EXOC6: variants seen among roughly 807,000 people sequenced by gnomAD.
EXOC6 encodes SEC15-like 1.
A neutral mutation model predicts 112.5 loss-of-function variants in EXOC6; 60 were observed. The ratio of observed to expected loss-of-function variants is 0.53; its 90% CI spans 0.43 to 0.66. EXOC6 has a LOEUF of 0.66. Ranked by LOEUF, EXOC6 falls within the 30% of genes least tolerant of loss-of-function variation. The pLI is 0.00. For synonymous variants in EXOC6, 295 were observed against 308.0 expected (o/e 0.96, Z 0.44); for missense variants, 855 against 957.1 (o/e 0.89, Z 1.41).
At chr10:92,874,562 G>A (rs1417910990) in intron 1 of EXOC6, among the ~76,000 whole-genome samples, 1 of 152,140 alleles carries the variant, frequency 6.6e-6, no homozygotes, top group Non-Finnish European at 1.5e-5. Flanking sequence ...AGAAATGTGT[G>A]TGTGTGTGTG....
intron 8 of EXOC6, among the ~76,000 whole-genome samples, chr10:92,923,433 G>A (rs1589839796): frequency 1.3e-5 from 2 of 152,156 alleles, no homozygotes; most frequent in South Asian, 2.1e-4. Context: ...TCAGGGAGTC[G>A]CTTAGCTGGC....
chr10:92,986,313 G>A (rs1424181103), intron 18 of EXOC6, among the ~76,000 whole-genome samples: 1 of 152,138 alleles, frequency 6.6e-6, no homozygotes, highest in Admixed American at 6.6e-5. Context: ...AACTATGATG[G>A]TGGGATAATT....
chr10:92,972,390 T>TGAGA (rs768423350), intron 17 of EXOC6, among the ~76,000 whole-genome samples: 1 of 151,714 alleles, frequency 6.6e-6, no homozygotes, highest in East Asian at 1.9e-4. Context: ...CAGGCACACT[T>TGAGA]GAGAGAGAGA....
At chr10:92,896,816 A>T (rs761683345) in intron 4 of EXOC6, among the ~76,000 whole-genome samples, 3 of 152,082 alleles carry the variant, frequency 2.0e-5, no homozygotes, top group Non-Finnish European at 4.4e-5. Flanking sequence ...CCAGCTTCCT[A>T]AAGTGCTGGG....
At chr10:92,847,276 G>A (rs1847084070), upstream of EXOC6, among the ~76,000 whole-genome samples, 1 of 152,210 alleles carries the variant, frequency 6.6e-6, no homozygotes, top group Admixed American at 6.5e-5. Flanking sequence ...GTCATTTACA[G>A]TCATTTAACT....
intron 1 of EXOC6, among the ~76,000 whole-genome samples, chr10:92,890,216 G>A (rs1323996688): frequency 6.6e-6 from 1 of 151,958 alleles, no homozygotes; most frequent in Non-Finnish European, 1.5e-5. Flanking sequence ...ATTTCATTTT[G>A]GAGGATGCTA....
At chr10:93,012,639 A>T (rs1488253282) in intron 19 of EXOC6, among the ~76,000 whole-genome samples, 1 of 152,224 alleles carries the variant, frequency 6.6e-6, no homozygotes, top group Non-Finnish European at 1.5e-5. Flanking sequence ...TATATTTCAC[A>T]CAGAATACAC....
At chr10:93,002,029 A>G (rs1056806327) in intron 19 of EXOC6, among the ~76,000 whole-genome samples, 1 of 152,214 alleles carries the variant, frequency 6.6e-6, no homozygotes, top group Non-Finnish European at 1.5e-5. Flanking sequence ...ACATTGTTTC[A>G]TATTCTATAA....
intron 18 of EXOC6, among the ~76,000 whole-genome samples, chr10:92,975,371 A>G (rs1842484568): frequency 7.0e-6 from 1 of 142,912 alleles, no homozygotes; most frequent in African/African-American, 2.6e-5. Flanking sequence ...TCCGCCCGGC[A>G]GCCGCCCCGT....
upstream of EXOC6, among the ~76,000 whole-genome samples, chr10:92,845,284 G>A (rs1344465274): frequency 2.6e-5 from 4 of 152,192 alleles, no homozygotes; most frequent in Non-Finnish European, 4.4e-5. Flanking sequence ...TGGGCGTGGT[G>A]GCTCATGCCT....
At chr10:92,993,344 A>G (rs909101102) in intron 18 of EXOC6, among the ~76,000 whole-genome samples, 1 of 152,186 alleles carries the variant, frequency 6.6e-6, no homozygotes, top group Non-Finnish European at 1.5e-5. Context: ...GGAATCATTA[A>G]GGATGAGTAG....
intron 1 of EXOC6, among the ~76,000 whole-genome samples, chr10:92,869,000 G>C (rs1396709967): frequency 6.6e-6 from 1 of 151,830 alleles, no homozygotes; most frequent in Admixed American, 6.6e-5. Flanking sequence ...CTTTTGTGCT[G>C]AGGGATTTAT....
intron 17 of EXOC6, among the ~76,000 whole-genome samples, chr10:92,973,312 A>G (rs1431205640): frequency 2.0e-5 from 3 of 152,232 alleles, no homozygotes; most frequent in Admixed American, 2.0e-4. Context: ...AGAGTACTGT[A>G]GAGCTGGAAC....
intron 8 of EXOC6, among the ~76,000 whole-genome samples, chr10:92,923,376 C>T (rs966905800): frequency 2.0e-5 from 3 of 152,208 alleles, no homozygotes; most frequent in Non-Finnish European, 2.9e-5. Context: ...TGCTGTATAA[C>T]ACACTGCCTT....
intron 20 of EXOC6, among the ~76,000 whole-genome samples, chr10:93,024,586 C>G (rs903871060): frequency 6.6e-6 from 1 of 152,108 alleles, no homozygotes; most frequent in African/African-American, 2.4e-5. Context: ...TGCACACCAC[C>G]ACACCTGGCC....
intron 20 of EXOC6, among the ~76,000 whole-genome samples, chr10:93,029,021 C>T (rs1475128842): frequency 6.6e-6 from 1 of 152,004 alleles, no homozygotes; most frequent in Non-Finnish European, 1.5e-5. Flanking sequence ...CAGTAAATTT[C>T]ATTGTTGTCT....
At chr10:93,016,077 AATT>A (rs1372054131) in intron 20 of EXOC6, among the ~76,000 whole-genome samples, 4 of 152,182 alleles carry the variant, frequency 2.6e-5, no homozygotes, top group Non-Finnish European at 5.9e-5. Context: ...GAAATCTTTA[AATT>A]ATCACTGGCT....
rs1438162188 is a variant in EXOC6, at chr10:92,925,649, TTTG to T, written c.889-2684_889-2682del. 3.9e-5 allele frequency among the ~76,000 whole-genome samples: 6 copies of T among 151,914 alleles called. No individual in the cohort carries two copies. In the Middle Eastern group the frequency reaches 0.01, roughly 258 times the overall value. On this transcript the variant is annotated intron_variant, in intron 8 of 21. Transcript: ENST00000260762. Reference sequence around the variant, plus strand: ...TTCTCAGTGGTTTTCATGATGTAATTTTGTTGTTATTGTTTGTTTGTTTTGTTT... The same window carrying T: ...TTCTCAGTGGTTTTCATGATGTAATTTTGTTATTGTTTGTTTGTTTTGTTT...
intron 19 of EXOC6, among the ~76,000 whole-genome samples, chr10:93,001,234 TAGAAGCTAAA>T (rs940621345): frequency 1.3e-5 from 2 of 152,184 alleles, no homozygotes; most frequent in African/African-American, 4.8e-5. Flanking sequence ...TGGGGAATCC[TAGAAGCTAAA>T]AGATCATTGA....
Sources: gnomAD v4.1 joint callset for allele counts (sites outside exome capture counted in the v4.1 genomes callset) on GRCh38, gnomAD v4.1.1 for gene constraint, MANE v1.5 for transcripts, NCBI Gene and HGNC (gene_info 2026-07-23, HGNC 2026-07-21) for gene names.